The following UNC5D variants were observed in gnomAD, a reference collection of about 807,000 sequenced individuals.
The protein encoded by UNC5D is netrin receptor UNC5D.
UNC5D carries 39 observed loss-of-function variants against 105.4 expected under a neutral mutation model. The ratio of observed to expected loss-of-function variants is 0.37; its 90% CI spans 0.29 to 0.48. UNC5D has a LOEUF of 0.48. Ranked by LOEUF, UNC5D falls within the 20% of genes least tolerant of loss-of-function variation. The pLI is 0.98. For missense variants in UNC5D, 991 were observed against 1,202.4 expected (o/e 0.82, Z 2.60); for synonymous variants, 452 against 450.4 (o/e 1.00, Z -0.04).
chr8:35,253,384 T>A (rs148447573), intron 1 of UNC5D, among the ~76,000 whole-genome samples: 1 of 151,966 alleles, frequency 6.6e-6, no homozygotes, highest in African/African-American at 2.4e-5. Flanking sequence ...TAAAGTCTTA[T>A]ATTTTGGCCT....
intron 4 of UNC5D, among the ~76,000 whole-genome samples, chr8:35,674,045 A>T (rs1170632848): frequency 1.3e-5 from 2 of 152,176 alleles, no homozygotes; most frequent in Non-Finnish European, 2.9e-5. Flanking sequence ...TTCAGGTCAC[A>T]GTCTGAACAT....
rs530589518 is a variant in UNC5D, at chr8:35,371,109, A to C, written c.103+135222A>C. 2.0e-5 allele frequency among the ~76,000 whole-genome samples: 3 copies of C among 152,064 alleles called. No homozygotes were observed. In the East Asian group the frequency reaches 5.8e-4, roughly 30 times the overall value. On this transcript the variant is annotated intron_variant, in intron 1 of 16. Transcript: ENST00000404895. ...TGTGCTTTAGTCGTAGCTACTTGGG[A>C]GGCTGAGGCAGGAGGATTATTTGAA...
intron 1 of UNC5D, among the ~76,000 whole-genome samples, chr8:35,396,134 T>C (rs1477985939): frequency 6.6e-6 from 1 of 152,132 alleles, no homozygotes; most frequent in East Asian, 1.9e-4. Context: ...GCCCCTTTTG[T>C]TTAACCTCCT....
intron 1 of UNC5D, among the ~76,000 whole-genome samples, chr8:35,428,078 C>T (rs1278944540): frequency 6.6e-6 from 1 of 152,096 alleles, no homozygotes; most frequent in Non-Finnish European, 1.5e-5. Flanking sequence ...TAGTTAGAGT[C>T]TCAAAGTTAA....
At chr8:35,774,845 T>G (rs1048159291) in intron 16 of UNC5D, among the ~76,000 whole-genome samples, 1 of 148,940 alleles carries the variant, frequency 6.7e-6, no homozygotes, top group Non-Finnish European at 1.5e-5. Context: ...GAAGATCACT[T>G]GAGCCTGGCA....
rs201455725 is a variant in UNC5D at position 35,470,767 on chromosome 8, A to AAAATAAAT, written c.104-78485_104-78478dup. Among the ~76,000 whole-genome samples, 273 of 139,308 alleles carry AAAATAAAT rather than the reference A, an allele frequency of 2.0e-3. 2 individuals carry two copies. The highest frequency in any genetic ancestry group is 6.7e-3 in the Admixed American group (91 of 13,616). 91.4% of individuals were successfully genotyped at this position (139,308 alleles called of 152,430 possible). ...CTGGGCAACAGAGCAAGACTTTCTC[A>AAAATAAAT]AAATAAATAAATAAATAAATAAATA... On this transcript the variant is annotated intron_variant, in intron 1 of 16. Transcript: ENST00000404895.
chr8:35,774,361 C>T lies in UNC5D; in HGVS notation c.2541C>T (p.Gly847=), dbSNP rs528243160. The T allele has an allele frequency of 1.7e-4, 280 of 1,614,108 alleles. 2 individuals carry two copies. The South Asian group carries it at 2.9e-3, about 17-fold the overall frequency. The change falls in exon 16 of 17, where the codon GGC becomes GGT. Residue 847 remains glycine (G), a synonymous_variant. Coordinates refer to ENST00000404895, the MANE Select transcript of UNC5D (RefSeq NM_080872.4). The part of the protein sequence containing the change: ...QEDSTFPAQT[G]PKAFKIPYSI... ...ACAGCACTTTCCCTGCACAGACTGG[C>T]CCCAAAGCCTTCAAAATTCCCTACT...
At chr8:35,307,284 T>C (rs1242445321) in intron 1 of UNC5D, among the ~76,000 whole-genome samples, 1 of 152,188 alleles carries the variant, frequency 6.6e-6, no homozygotes, top group Non-Finnish European at 1.5e-5. Context: ...GAACTTAACT[T>C]TGAGGTCAAT....
At chr8:35,431,477 G>T (rs142934082) in intron 1 of UNC5D, among the ~76,000 whole-genome samples, 73 of 151,902 alleles carry the variant, frequency 4.8e-4, no homozygotes, top group Non-Finnish European at 1.0e-3. Context: ...TATTTTCAAG[G>T]CTCCTTAAGT....
chr8:35,661,412 T>C lies in UNC5D; in HGVS notation c.571-22135T>C, dbSNP rs73575942. On this transcript the variant is annotated intron_variant, in intron 4 of 16. Coordinates refer to ENST00000404895, the MANE Select transcript of UNC5D (RefSeq NM_080872.4). Reference sequence around the variant, plus strand: ...TGTTTCTGGTTTCCTTTTAGGTTGGTATTCTTGAGAGAGAGTTTGTGGGGC... The same window carrying C: ...TGTTTCTGGTTTCCTTTTAGGTTGGCATTCTTGAGAGAGAGTTTGTGGGGC... Among the ~76,000 whole-genome samples, 344 of 152,306 alleles carry C rather than the reference T, an allele frequency of 2.3e-3. 1 individual carries two copies. The highest frequency in any genetic ancestry group is 8.0e-3 in the African/African-American group (331 of 41,574).
intron 4 of UNC5D, among the ~76,000 whole-genome samples, chr8:35,630,548 A>G (rs1191853391): frequency 6.6e-6 from 1 of 152,126 alleles, no homozygotes; most frequent in Non-Finnish European, 1.5e-5. Flanking sequence ...GAATATTGTG[A>G]CAGTGAAGTG....
rs1041148533 is a variant in UNC5D, at chr8:35,794,269, C to T, written c.*3706C>T. 1 of 152,154 alleles carries T rather than the reference C, an allele frequency of 6.6e-6. No homozygotes were observed. The highest frequency in any genetic ancestry group is 2.4e-5 in the African/African-American group (1 of 41,428). 9.4% of individuals were successfully genotyped at this position (152,154 alleles called of 1,614,324 possible). On this transcript the variant is annotated 3_prime_UTR_variant, in exon 17 of 17. Transcript: ENST00000404895. ...TCAGATGTATTGAAGGCAAAGTTCT[C>T]GCAGAGGTCTCTGTTCCAGCTCTGT...
At chr8:35,513,747 C>T (rs916145282) in intron 1 of UNC5D, among the ~76,000 whole-genome samples, 2 of 152,188 alleles carry the variant, frequency 1.3e-5, no homozygotes, top group Admixed American at 6.5e-5. Flanking sequence ...ACTCTGATCA[C>T]AGAGTCTTGT....
intron 9 of UNC5D, among the ~76,000 whole-genome samples, 192 bp from the exon 10 acceptor site, chr8:35,725,960 T>G (rs536451113): frequency 6.6e-6 from 1 of 152,184 alleles, no homozygotes; most frequent in Non-Finnish European, 1.5e-5. Context: ...GAATGGACGG[T>G]GGAAGCCAGG....
intron 1 of UNC5D, among the ~76,000 whole-genome samples, chr8:35,402,914 G>A (rs938603383): frequency 1.3e-5 from 2 of 152,044 alleles, no homozygotes; most frequent in African/African-American, 4.8e-5. Context: ...CTTGGATCTG[G>A]TGCTGCCCCA....
rs1447579480 is a variant in UNC5D, at chr8:35,248,040, T to C, written c.103+12153T>C. Among the ~76,000 whole-genome samples, 54 of 52,570 alleles carry C rather than the reference T, an allele frequency of 1.0e-3. 2 individuals are homozygous for C. The highest frequency in any genetic ancestry group is 1.4e-3 in the Non-Finnish European group (47 of 32,500). 34.5% of individuals were successfully genotyped at this position (52,570 alleles called of 152,430 possible). A position where few individuals can be genotyped will look rare whatever the true frequency, so the allele number is the denominator to read the frequency against. Reference sequence around the variant, plus strand: ...ATAATATATAAATAAATATTATATATAAAATATATATAATATATAAATATA... The same window carrying C: ...ATAATATATAAATAAATATTATATACAAAATATATATAATATATAAATATA... On this transcript the variant is annotated intron_variant, in intron 1 of 16. Transcript: ENST00000404895.
chr8:35,440,013 T>C (rs558297361), intron 1 of UNC5D, among the ~76,000 whole-genome samples: 1 of 152,102 alleles, frequency 6.6e-6, no homozygotes, highest in African/African-American at 2.4e-5. Context: ...ACAAAACAAG[T>C]ATTTTCAGAA....
intron 1 of UNC5D, among the ~76,000 whole-genome samples, chr8:35,320,229 G>T (rs1463146662): frequency 6.6e-6 from 1 of 151,980 alleles, no homozygotes; most frequent in East Asian, 1.9e-4. Context: ...GCAGTTCCAG[G>T]TTATAGGTGG....
intron 1 of UNC5D, among the ~76,000 whole-genome samples, chr8:35,319,272 C>G (rs984555483): frequency 6.6e-6 from 1 of 152,108 alleles, no homozygotes; most frequent in Non-Finnish European, 1.5e-5. Context: ...CTTCTGCCCC[C>G]CACAGGCTCC....
Sources: gnomAD v4.1 joint callset for allele counts (sites outside exome capture counted in the v4.1 genomes callset) on GRCh38, gnomAD v4.1.1 for gene constraint, MANE v1.5 for transcripts, NCBI Gene and HGNC (gene_info 2026-07-23, HGNC 2026-07-21) for gene names.